The following KARS1 variants were observed in gnomAD, a reference collection of about 807,000 sequenced individuals.
The protein encoded by KARS1 is lysyl-tRNA synthetase 1.
Under a neutral mutation model 63.9 loss-of-function variants are expected in KARS1, and 50 were observed. The observed-to-expected ratio is 0.78, with a 90% CI of 0.62 to 0.99. KARS1 has a LOEUF of 0.99. KARS1 is among the 50% of genes least tolerant of loss of function. The probability of loss-of-function intolerance (pLI) is 0.00; values close to 1 mark genes in which losing one functional copy is unlikely to be tolerated. For missense variants in KARS1, 816 were observed against 754.5 expected (o/e 1.08, Z -0.95); for synonymous variants, 320 against 264.6 (o/e 1.21, Z -2.03).
In KARS1 at chr16:75,630,420, T is replaced by C. The variant is rs2082098885; in HGVS notation, c.1424+3A>G. Reference sequence around the variant, plus strand: ...ATGCAGCAATAGGTAACTGGAATCTTACCATTTAGCCAAAGGGCTCATTAT... The same window carrying C: ...ATGCAGCAATAGGTAACTGGAATCTCACCATTTAGCCAAAGGGCTCATTAT... On this transcript the variant is annotated splice_donor_region_variant and intron_variant, in intron 11 of 13. Coordinates refer to ENST00000302445, the MANE Select transcript of KARS1 (RefSeq NM_005548.3). 3 of 1,571,572 alleles carry C rather than the reference T, an allele frequency of 1.9e-6. No individual in the cohort carries two copies. Among genetic ancestry groups the C allele is most frequent in the African/African-American group, 1.4e-5 (1 of 74,062 alleles).
chr16:75,638,291 A>G (rs1002574805), intron 3 of KARS1, among the ~76,000 whole-genome samples: 2 of 151,850 alleles, frequency 1.3e-5, no homozygotes, highest in Non-Finnish European at 2.9e-5. Flanking sequence ...ATAGGTATAC[A>G]TGTGCCATGG....
chr16:75,631,112 G>A lies in KARS1; in HGVS notation c.1338+56C>T, dbSNP rs571239491. The stretch of plus-strand genomic sequence containing the variant: ...CAGTGGGGTTCATTTTCCCAGGGAA[G>A]AGGGAACCATTCAGCACCAGATGAG... On this transcript the variant is annotated intron_variant, in intron 10 of 13. Transcript: ENST00000302445. 4.8e-4 allele frequency: 677 copies of A among 1,398,228 alleles called. No homozygotes were observed. The Middle Eastern group carries it at 6.0e-3, about 12-fold the overall frequency. The allele number at this position is 1,398,228 out of a possible 1,614,324, so 86.6% of individuals were successfully genotyped here. A position where few individuals can be genotyped will look rare whatever the true frequency, so the allele number is the denominator to read the frequency against.
intron 11 of KARS1, 57 bp from the exon 12 acceptor site, chr16:75,629,598 TTTG>T: frequency 6.2e-7 from 1 of 1,604,342 alleles, no homozygotes; most frequent in Non-Finnish European, 8.5e-7. Flanking sequence ...TGAGCTAAAT[TTTG>T]TTTTTTCTTT....
rs767857270 is a variant in KARS1 at position 75,640,348 on chromosome 16, T to C, written c.224A>G (p.Gln75Arg). The C allele has an allele frequency of 6.2e-6, 10 of 1,604,262 alleles. No individual in the cohort carries two copies. Among genetic ancestry groups the C allele is most frequent in the Non-Finnish European group, 8.5e-6 (10 of 1,178,470 alleles). Residue 75 changes from glutamine (Q) to arginine (R), a missense_variant and splice_region_variant, in exon 3 of 14, where the codon CAA becomes CGA. Transcript: ENST00000302445. The stretch of plus-strand genomic sequence containing the variant: ...TGCTTGACTGCGGATTTTGTAGTAT[T>C]GCTGTTAAAAAAAAAAAAAAAAAAG... ...GPEEESVDPN[Q>R]YYKIRSQAIH...
chr16:75,636,342 A>G, intron 4 of KARS1, 112 bp downstream of exon 4: 1 of 849,868 alleles, frequency 1.2e-6, no homozygotes, highest in Non-Finnish European at 2.0e-6. Context: ...TTCCCCAACC[A>G]TGTCCCACTC....
At chr16:75,641,488 A>T in intron 2 of KARS1, 76 bp downstream of exon 2, 1 of 1,313,514 alleles carries the variant, frequency 7.6e-7, no homozygotes, top group Non-Finnish European at 1.1e-6. Flanking sequence ...CCTACTGTCC[A>T]GTCCCAAAGA....
At position 75,627,881 on chromosome 16, in the gene KARS1, G is replaced by C. The variant is rs1228748317; in HGVS notation, c.*14C>G. The C allele has an allele frequency of 7.1e-7, 1 of 1,418,142 alleles. No homozygotes were observed. Among genetic ancestry groups the C allele is most frequent in the Admixed American group, 1.7e-5 (1 of 59,834 alleles). 87.8% of individuals were successfully genotyped at this position (1,418,142 alleles called of 1,614,324 possible). On this transcript the variant is annotated 3_prime_UTR_variant, in exon 14 of 14. Coordinates refer to ENST00000302445, the MANE Select transcript of KARS1 (RefSeq NM_005548.3). ...CAAAGACGCCTGAGTTATACAACTT[G>C]CAATTATTATTTTCTAGACAGAAGT... is the stretch of plus-strand genomic sequence containing the variant.
At position 75,631,247 on chromosome 16, in the gene KARS1, C is replaced by T. The variant is rs201574004; in HGVS notation, c.1259G>A (p.Arg420His). The T allele has an allele frequency of 1.8e-5, 29 of 1,613,736 alleles. No individual in the cohort carries two copies. The highest frequency in any genetic ancestry group is 3.3e-5 in the South Asian group (3 of 91,022). ...CACACAGATATCATCAAGAATTTTG[C>T]GAGTTTCTGGGACACAAATGCAAAA... ...ETNLFETEET[R>H]KILDDICVAK... The change falls in exon 10 of 14, where the codon CGC becomes CAC. Residue 420 changes from arginine (R) to histidine (H), a missense_variant. Physicochemically the swap from Arg to His is conservative, Grantham distance 29. Transcript: ENST00000302445.
intron 9 of KARS1, 22 bp from the exon 10 acceptor site, chr16:75,631,275 T>C (rs2082109953): frequency 6.2e-7 from 1 of 1,609,626 alleles, no homozygotes; most frequent in Admixed American, 1.7e-5. Context: ...ATGCAAAAGT[T>C]AGGGCAGGAG....
At chr16:75,640,100 C>T (rs1405747839) in intron 3 of KARS1, 84 bp downstream of exon 3, 5 of 1,207,276 alleles carry the variant, frequency 4.1e-6, no homozygotes, top group African/African-American at 1.5e-5. Context: ...GAGAACAAGA[C>T]CAACCCAGAC....
intron 6 of KARS1, 122 bp from the exon 7 acceptor site, chr16:75,634,414 C>A (rs772521991): frequency 1.6e-5 from 16 of 992,516 alleles, no homozygotes; most frequent in Non-Finnish European, 2.3e-5. Flanking sequence ...ATAAGTTCAA[C>A]AGTAATGTGC....
At position 75,644,346 on chromosome 16, in the gene KARS1, C is replaced by T. The variant is rs757020457; in HGVS notation, c.63-2623G>A. ...TGTGAAAGGAGCAAGTTGACCCAGT[C>T]GCAGTTCCCTGTGACCCCACTCTGC... On this transcript the variant is annotated intron_variant, in intron 1 of 13. Transcript: ENST00000302445. 2.4e-5 allele frequency: 38 copies of T among 1,610,692 alleles called. No individual in the cohort carries two copies. The highest frequency in any genetic ancestry group is 2.9e-5 in the Non-Finnish European group (34 of 1,178,548).
chr16:75,640,197 G>C lies in KARS1; in HGVS notation c.375C>G (p.Thr125=). 1 of 1,614,088 alleles carries C rather than the reference G, an allele frequency of 6.2e-7. No individual in the cohort carries two copies. Among genetic ancestry groups the C allele is most frequent in the Non-Finnish European group, 8.5e-7 (1 of 1,179,968 alleles). The change falls in exon 3 of 14, where the codon ACC becomes ACG. Residue 125 remains threonine, a synonymous_variant. Transcript: ENST00000302445. The part of the protein sequence containing the change: ...LQPGDHLTDI[T]LKVAGRIHAK... ...GAGAGTTCCTACCTGCCACCTTTAA[G>C]GTGATGTCAGTCAGGTGATCCCCAG...
At chr16:75,628,236 T>C (rs1302581516) in intron 13 of KARS1, among the ~76,000 whole-genome samples, 1 of 152,268 alleles carries the variant, frequency 6.6e-6, no homozygotes, top group Non-Finnish European at 1.5e-5. Context: ...CGCATTTCTA[T>C]GAAAATTTGA....
rs542932941 is a variant in KARS1 at position 75,634,352 on chromosome 16, A to T, written c.796-60T>A. 494 of 1,565,574 alleles carry T rather than the reference A, an allele frequency of 3.2e-4. 2 individuals carry two copies. The African/African-American group carries it at 6.3e-3, about 20-fold the overall frequency. On this transcript the variant is annotated intron_variant, in intron 6 of 13. Coordinates refer to ENST00000302445, the MANE Select transcript of KARS1 (RefSeq NM_005548.3). ...TAACCAGAGGCCTTGGGGACAGACC[A>T]TGCTTTGCATGTAATATAGTCTAAG...
Position 75,627,819 on chromosome 16 carries a change from A to C in KARS1, c.*76T>G. The C allele has an allele frequency of 5.9e-6, 5 of 849,684 alleles. No homozygotes were observed. The South Asian group carries it at 6.6e-5, about 11-fold the overall frequency. The allele number at this position is 849,684 out of a possible 1,614,324, so 52.6% of individuals were successfully genotyped here. ...GGTGTCAAATGGAAAGCAGCACACA[A>C]GAATTCCCTTGCAGACCTTGATCTT... On this transcript the variant is annotated 3_prime_UTR_variant, in exon 14 of 14. Transcript: ENST00000302445.
Position 75,636,633 on chromosome 16 carries a change from TTTTTTTTTTG to T in KARS1, c.389-96_389-87del, listed in dbSNP as rs1378966895. ...TGTCAAAAAAAAACTCCCTCTGCAT[TTTTTTTTTTG>T]TTTTTTTTGGGACAGAGTCTTGCTC... On this transcript the variant is annotated intron_variant, in intron 3 of 13. Transcript: ENST00000302445. 5 of 761,658 alleles carry T rather than the reference TTTTTTTTTTG, an allele frequency of 6.6e-6. No individual in the cohort carries two copies. The South Asian group carries it at 7.1e-5, about 11-fold the overall frequency. 47.2% of individuals were successfully genotyped at this position (761,658 alleles called of 1,614,324 possible).
intron 1 of KARS1, among the ~76,000 whole-genome samples, chr16:75,644,883 T>C (rs2082264115): frequency 6.6e-6 from 1 of 152,136 alleles, no homozygotes; most frequent in Non-Finnish European, 1.5e-5. Context: ...TTGCAAACTC[T>C]AGACAAAGAT....
intron 1 of KARS1, 93 bp downstream of exon 1, chr16:75,647,485 C>T: frequency 1.7e-6 from 2 of 1,192,062 alleles, no homozygotes; most frequent in Non-Finnish European, 1.2e-6. Context: ...GGCAAGAAGG[C>T]CCCGGCACAG....
Sources: gnomAD v4.1 joint callset for allele counts (sites outside exome capture counted in the v4.1 genomes callset) on GRCh38, gnomAD v4.1.1 for gene constraint, MANE v1.5 for transcripts, NCBI Gene and HGNC (gene_info 2026-07-23, HGNC 2026-07-21) for gene names.